The following NSMCE2 variants were observed in gnomAD, a reference collection of about 807,000 sequenced individuals.
NSMCE2 encodes the protein E3 SUMO-protein ligase NSE2.
A neutral mutation model predicts 23.8 loss-of-function variants in NSMCE2; 24 were observed. The ratio of observed to expected loss-of-function variants is 1.01; its 90% confidence interval spans 0.73 to 1.42. NSMCE2 has a LOEUF of 1.42. Among genes scored for constraint, NSMCE2 ranks in the 40% most tolerant of loss-of-function variants. The pLI, the probability that NSMCE2 is intolerant of heterozygous loss-of-function variation, is 0.00. For synonymous variants in NSMCE2, 92 were observed against 94.1 expected, an observed-to-expected ratio of 0.98 and a Z score of 0.13; for missense variants, 284 against 296.5, an observed-to-expected ratio of 0.96 and a Z score of 0.31.
intron 3 of NSMCE2, among the ~76,000 whole-genome samples, chr8:125,140,316 G>A (rs1217200432): frequency 6.6e-6 from 1 of 152,186 alleles, no homozygotes; most frequent in African/African-American, 2.4e-5. Context: ...AGTCTCCTGT[G>A]TTGGAGGCCT....
chr8:125,312,271 G>A (rs1182426901), intron 5 of NSMCE2, among the ~76,000 whole-genome samples: 1 of 152,070 alleles, frequency 6.6e-6, no homozygotes, highest in Non-Finnish European at 1.5e-5. Context: ...CAGATGCTTA[G>A]AAAATGGTTT....
intron 4 of NSMCE2, among the ~76,000 whole-genome samples, chr8:125,163,047 C>A (rs1254138795): frequency 6.6e-6 from 1 of 152,010 alleles, no homozygotes; most frequent in African/African-American, 2.4e-5. Context: ...CTGTATATAG[C>A]AATGAAGAAA....
At chr8:125,184,449 T>G (rs1005315132) in intron 5 of NSMCE2, among the ~76,000 whole-genome samples, 35 of 152,174 alleles carry the variant, frequency 2.3e-4, no homozygotes, top group Admixed American at 2.3e-3. Flanking sequence ...TATGTATATT[T>G]ATATTGAAAG....
At chr8:125,204,820 C>T (rs1170134266) in intron 5 of NSMCE2, among the ~76,000 whole-genome samples, 1 of 152,200 alleles carries the variant, frequency 6.6e-6, no homozygotes, top group East Asian at 1.9e-4. Flanking sequence ...ACTATTGCTG[C>T]TCTACTTCTG....
At chr8:125,226,948 C>T (rs966654645) in intron 5 of NSMCE2, among the ~76,000 whole-genome samples, 4 of 152,068 alleles carry the variant, frequency 2.6e-5, no homozygotes, top group African/African-American at 9.7e-5. Context: ...TCCCCAACCC[C>T]TATCTCCACC....
chr8:125,264,642 C>T (rs573533067), intron 5 of NSMCE2, among the ~76,000 whole-genome samples: 1 of 152,284 alleles, frequency 6.6e-6, no homozygotes, highest in East Asian at 1.9e-4. Context: ...CTCCTGACCT[C>T]AGGTGATCAG....
chr8:125,238,336 G>C (rs770426793), intron 5 of NSMCE2, among the ~76,000 whole-genome samples: 1 of 152,234 alleles, frequency 6.6e-6, no homozygotes, highest in Non-Finnish European at 1.5e-5. Flanking sequence ...TTCCATGTAA[G>C]TTATAGAAAA....
intron 5 of NSMCE2, among the ~76,000 whole-genome samples, chr8:125,257,996 C>G (rs1244846017): frequency 1.3e-5 from 2 of 151,874 alleles, no homozygotes; most frequent in Non-Finnish European, 2.9e-5. Flanking sequence ...CTTTTATGAC[C>G]CAAATAGCTC....
chr8:125,284,623 T>G (rs1827823767), intron 5 of NSMCE2, among the ~76,000 whole-genome samples: 1 of 152,234 alleles, frequency 6.6e-6, no homozygotes, highest in African/African-American at 2.4e-5. Flanking sequence ...TTAAATCACT[T>G]GGAAGAAAAT....
chr8:125,217,334 A>T (rs866867061), intron 5 of NSMCE2, among the ~76,000 whole-genome samples: 11 of 151,300 alleles, frequency 7.3e-5, no homozygotes, highest in Admixed American at 3.3e-4. Flanking sequence ...TTTTTAAAAA[A>T]TTTTATTTAT....
rs543477037 is a variant in NSMCE2 at position 125,276,233 on chromosome 8, T to C, written c.419-80986T>C. On this transcript the variant is annotated intron_variant, in intron 5 of 7. Coordinates refer to ENST00000287437, the MANE Select transcript of NSMCE2 (RefSeq NM_173685.4). ...GACAATCATGAGTACATTCTCAATA[T>C]AGCCTTCCAGGAAGCCCTTAGCCAA... is the stretch of plus-strand genomic sequence containing the variant. Among the ~76,000 whole-genome samples, 12 of 152,328 alleles carry C rather than the reference T, an allele frequency of 7.9e-5. No individual in the cohort carries two copies. In the South Asian group the frequency reaches 2.5e-3, roughly 32 times the overall value.
intron 5 of NSMCE2, among the ~76,000 whole-genome samples, chr8:125,241,285 G>A (rs1486270717): frequency 6.6e-6 from 1 of 152,120 alleles, no homozygotes; most frequent in African/African-American, 2.4e-5. Context: ...AAATGTGCAG[G>A]GCACTGAAAT....
chr8:125,138,274 A>T (rs1157707795), intron 3 of NSMCE2, among the ~76,000 whole-genome samples: 2 of 152,086 alleles, frequency 1.3e-5, no homozygotes, highest in Non-Finnish European at 2.9e-5. Context: ...CTCAGGATGG[A>T]GTGCAGTGGT....
intron 5 of NSMCE2, among the ~76,000 whole-genome samples, chr8:125,265,244 G>A (rs1826863471): frequency 6.8e-6 from 1 of 147,860 alleles, no homozygotes; most frequent in African/African-American, 2.5e-5. Flanking sequence ...TTTTTGAAAC[G>A]GAGTTTCACT....
At chr8:125,105,643 G>A (rs1818423803) in intron 3 of NSMCE2, among the ~76,000 whole-genome samples, 1 of 152,090 alleles carries the variant, frequency 6.6e-6, no homozygotes, top group Non-Finnish European at 1.5e-5. Flanking sequence ...CAACTCTGTA[G>A]GCCATGTGGT....
chr8:125,122,680 G>T (rs1819327943), intron 3 of NSMCE2, among the ~76,000 whole-genome samples: 1 of 151,988 alleles, frequency 6.6e-6, no homozygotes, highest in Non-Finnish European at 1.5e-5. Context: ...CTCTTCTTGG[G>T]TTCCTCTTTG....
rs189733642 is a variant in NSMCE2 at position 125,105,064 on chromosome 8, G to A, written c.157+2577G>A. On this transcript the variant is annotated intron_variant, in intron 3 of 7. Coordinates refer to ENST00000287437, the MANE Select transcript of NSMCE2 (RefSeq NM_173685.4). ...TCCTCCTCCCTTGCGCAGGGAGGAG[G>A]CCATTGCAAGACTTTTCCCAGTTTT... 2.8e-4 allele frequency among the ~76,000 whole-genome samples: 43 copies of A among 152,284 alleles called. 1 individual carries two copies. The highest frequency in any genetic ancestry group is 2.8e-3 in the Admixed American group (43 of 15,306).
chr8:125,138,527 G>T (rs531182040), intron 3 of NSMCE2, among the ~76,000 whole-genome samples: 7 of 152,040 alleles, frequency 4.6e-5, no homozygotes, highest in East Asian at 3.9e-4. Context: ...TGCCTGGCTG[G>T]TTTTTTTGTT....
rs576143509 is a variant in NSMCE2, at chr8:125,169,999, A to G, written c.265-12104A>G. Among the ~76,000 whole-genome samples the G allele has an allele frequency of 2.0e-5, 3 of 151,550 alleles. No individual in the cohort carries two copies. In the South Asian group the frequency reaches 6.2e-4, roughly 32 times the overall value. ...AGACTGAGGCTAGCTCCTTTCTTAC[A>G]GCCTGCTCTGATATCATCCCATCTC... On this transcript the variant is annotated intron_variant, in intron 4 of 7. Coordinates refer to ENST00000287437, the MANE Select transcript of NSMCE2 (RefSeq NM_173685.4).
Sources: gnomAD v4.1 joint callset for allele counts (sites outside exome capture counted in the v4.1 genomes callset) on GRCh38, gnomAD v4.1.1 for gene constraint, MANE v1.5 for transcripts, NCBI Gene and HGNC (gene_info 2026-07-23, HGNC 2026-07-21) for gene names.